The following TASP1 variants were observed in gnomAD, a reference collection of about 807,000 sequenced individuals.
The protein encoded by TASP1 is threonine aspartase 1.
Under a neutral mutation model 56.6 loss-of-function variants are expected in TASP1, and 16 were observed. The ratio of observed to expected loss-of-function variants is 0.28; its 90% CI spans 0.19 to 0.43. The LOEUF is 0.43. TASP1 is among the 20% of genes least tolerant of loss of function. The pLI is 1.00. For synonymous variants in TASP1, 179 were observed against 184.2 expected (o/e 0.97, Z 0.23); for missense variants, 393 against 511.6 (o/e 0.77, Z 2.24).
the TASP1 span, among the ~76,000 whole-genome samples, chr20:13,118,847 C>T: frequency 5.9e-5 from 9 of 152,360 alleles, no homozygotes; most frequent in African/African-American, 2.2e-4. Context: ...TTTAAAACAA[C>T]AGATTTAATT....
chr20:13,162,492 T>C, the TASP1 span, among the ~76,000 whole-genome samples: 3 of 152,246 alleles, frequency 2.0e-5, no homozygotes, highest in African/African-American at 7.2e-5. Flanking sequence ...TTAATGTACA[T>C]GTAAGAGAAA....
At chr20:13,342,064 T>G in the TASP1 span, among the ~76,000 whole-genome samples, 1 of 152,204 alleles carries the variant, frequency 6.6e-6, no homozygotes, top group Non-Finnish European at 1.5e-5. Flanking sequence ...AGCCCAGGTA[T>G]AGCAGGCGAG....
intron 12 of TASP1, among the ~76,000 whole-genome samples, chr20:13,429,632 G>C (rs865985290): frequency 2.3e-4 from 32 of 139,614 alleles, no homozygotes; most frequent in Middle Eastern, 7.5e-3. Flanking sequence ...GTGTGTGTGT[G>C]TGTCTGTCTG....
chr20:13,561,228 T>A (rs1485614563), intron 7 of TASP1, among the ~76,000 whole-genome samples: 1 of 152,148 alleles, frequency 6.6e-6, no homozygotes, highest in Non-Finnish European at 1.5e-5. Context: ...CCGGTTAAAA[T>A]GAAAGAACCT....
At chr20:13,632,760 T>A (rs2049145821) in intron 1 of TASP1, among the ~76,000 whole-genome samples, 1 of 152,160 alleles carries the variant, frequency 6.6e-6, no homozygotes, top group African/African-American at 2.4e-5. Flanking sequence ...CAACTTCTAC[T>A]CCAACATCAG....
At chr20:13,474,250 T>C (rs1339097318) in intron 11 of TASP1, among the ~76,000 whole-genome samples, 4 of 152,170 alleles carry the variant, frequency 2.6e-5, no homozygotes, top group Non-Finnish European at 4.4e-5. Context: ...CGGTATATAC[T>C]GTGCCCAATA....
At chr20:13,393,613 A>G in intron 13 of TASP1, 3 of 1,164,096 alleles carry the variant, frequency 2.6e-6, no homozygotes, top group Non-Finnish European at 3.8e-6. Flanking sequence ...TGGTGTGACA[A>G]CGAATTTGGC....
chr20:13,311,352 C>A, the TASP1 span, among the ~76,000 whole-genome samples: 3 of 152,100 alleles, frequency 2.0e-5, no homozygotes. Flanking sequence ...TAAATTGCTA[C>A]AGCCATTATG....
the TASP1 span, among the ~76,000 whole-genome samples, chr20:13,316,594 C>T: frequency 6.6e-6 from 1 of 151,686 alleles, no homozygotes; most frequent in South Asian, 2.1e-4. Context: ...GCCCCATGAC[C>T]AAGTGGGATT....
the TASP1 span, among the ~76,000 whole-genome samples, chr20:13,323,898 A>T: frequency 6.6e-6 from 1 of 152,198 alleles, no homozygotes; most frequent in Non-Finnish European, 1.5e-5. Flanking sequence ...GACCAAAAAA[A>T]TTGTTAATAG....
At chr20:13,227,396 G>C in the TASP1 span, among the ~76,000 whole-genome samples, 2 of 151,522 alleles carry the variant, frequency 1.3e-5, no homozygotes, top group East Asian at 3.9e-4. Flanking sequence ...GTGGAGACAG[G>C]GTTTCACCGT....
intron 9 of TASP1, 56 bp from the exon 10 acceptor site, chr20:13,528,567 GT>G: frequency 6.9e-7 from 1 of 1,443,808 alleles, no homozygotes; most frequent in South Asian, 1.3e-5. Context: ...GTAATTATTA[GT>G]TTTCAACAGA....
the TASP1 span, chr20:13,279,812 A>G: frequency 1.2e-5 from 20 of 1,613,904 alleles, no homozygotes; most frequent in Non-Finnish European, 1.4e-5. Context: ...ACCTCAGACG[A>G]CAGCAACTTC....
the TASP1 span, among the ~76,000 whole-genome samples, chr20:13,357,697 T>G: frequency 6.6e-6 from 1 of 152,172 alleles, no homozygotes; most frequent in Non-Finnish European, 1.5e-5. Context: ...GACTTACACA[T>G]GAATATCTAC....
chr20:13,402,593 T>C (rs1041226147), intron 13 of TASP1, among the ~76,000 whole-genome samples: 13 of 152,254 alleles, frequency 8.5e-5, no homozygotes, highest in African/African-American at 2.9e-4. Flanking sequence ...CCCGAGGCAG[T>C]TGGCTTCCCG....
intron 8 of TASP1, among the ~76,000 whole-genome samples, chr20:13,534,868 A>G (rs992165127): frequency 2.0e-5 from 3 of 152,178 alleles, no homozygotes; most frequent in African/African-American, 7.2e-5. Context: ...CACCTGTGCA[A>G]GAGAGACAAA....
the TASP1 span, among the ~76,000 whole-genome samples, chr20:13,195,606 T>C: frequency 6.6e-6 from 1 of 152,152 alleles, no homozygotes; most frequent in African/African-American, 2.4e-5. Context: ...ACATCTTATG[T>C]TGGCTTCCTT....
At chr20:13,301,154 C>T in the TASP1 span, among the ~76,000 whole-genome samples, 1 of 152,130 alleles carries the variant, frequency 6.6e-6, no homozygotes, top group Non-Finnish European at 1.5e-5. Flanking sequence ...GTTATCCTGA[C>T]ACAATTCTAT....
the TASP1 span, among the ~76,000 whole-genome samples, chr20:13,287,235 G>A: frequency 6.6e-6 from 1 of 152,308 alleles, no homozygotes; most frequent in South Asian, 2.1e-4. Context: ...CACAATCATG[G>A]TGGAAGGCAA....
Sources: allele counts gnomAD v4.1 joint callset (sites outside exome capture counted in the v4.1 genomes callset), GRCh38; gene constraint gnomAD v4.1.1; transcripts MANE v1.5; gene names NCBI Gene and HGNC (gene_info 2026-07-23, HGNC 2026-07-21).